HPS5: variants seen among roughly 807,000 people sequenced by gnomAD.
HPS5 encodes the protein HPS5 biogenesis of lysosomal organelles complex 2 subunit 2, also known as BLOC-2 complex member HPS5.
Under a neutral mutation model 128.0 loss-of-function variants are expected in HPS5, and 83 were observed. The observed-to-expected ratio is 0.65, with a 90% CI of 0.54 to 0.78. The LOEUF is 0.78. Among genes scored for constraint, HPS5 ranks in the 30% least tolerant of loss-of-function variants. The probability of loss-of-function intolerance (pLI) is 0.00; values close to 1 mark genes in which losing one functional copy is unlikely to be tolerated. For missense variants in HPS5, 1,281 were observed against 1,326.2 expected (o/e 0.97, Z 0.53); for synonymous variants, 475 against 470.2 (o/e 1.01, Z -0.13).
chr11:18,316,285 C>T (rs1206708585), intron 2 of HPS5, among the ~76,000 whole-genome samples: 1 of 151,378 alleles, frequency 6.6e-6, no homozygotes, highest in Non-Finnish European at 1.5e-5. Flanking sequence ...ACAGAGACAA[C>T]CTGTTTCAAA....
At chr11:18,282,455 G>A (rs1371977229) in intron 21 of HPS5, among the ~76,000 whole-genome samples, 1 of 151,060 alleles carries the variant, frequency 6.6e-6, no homozygotes, top group African/African-American at 2.4e-5. Flanking sequence ...AAGAGAGACA[G>A]GGTCTCACTA....
At chr11:18,295,947 G>A in intron 13 of HPS5, 52 bp downstream of exon 13, 1 of 1,560,468 alleles carries the variant, frequency 6.4e-7, no homozygotes, top group Non-Finnish European at 8.8e-7. Flanking sequence ...CCTAATGTGA[G>A]AACTGAAATA....
At chr11:18,293,589 A>G (rs1158995550) in intron 14 of HPS5, among the ~76,000 whole-genome samples, 1 of 152,210 alleles carries the variant, frequency 6.6e-6, no homozygotes, top group Non-Finnish European at 1.5e-5. Context: ...ATTAGAAAGA[A>G]AGGCATGCAA....
intron 6 of HPS5, among the ~76,000 whole-genome samples, chr11:18,307,981 T>C (rs1564970555): frequency 6.6e-6 from 1 of 152,180 alleles, no homozygotes; most frequent in Admixed American, 6.5e-5. Flanking sequence ...CCTTCTTTTG[T>C]GTAGGCTCAA....
chr11:18,279,284 C>CT lies in HPS5; in HGVS notation c.*597dup, dbSNP rs1339349818. 1 of 153,794 alleles carries CT rather than the reference C, an allele frequency of 6.5e-6. No homozygotes were observed. The highest frequency in any genetic ancestry group is 2.4e-5 in the African/African-American group (1 of 41,458). The allele number at this position is 153,794 out of a possible 1,614,324, so 9.5% of individuals were successfully genotyped here. ...TCCTGGCCTCAAGTGATCCTCCCGT[C>CT]TTTACCTTCCAAAGGGTTGGGATTA... On this transcript the variant is annotated 3_prime_UTR_variant, in exon 23 of 23. Coordinates refer to ENST00000349215, the MANE Select transcript of HPS5 (RefSeq NM_181507.2).
In HPS5 at chr11:18,307,779, G is replaced by A. The variant is rs1353218617; in HGVS notation, c.611+1167C>T. ...AAAACCAAAAAACTGTTTGTTGGGA[G>A]GGAAAACAGGTTGAAACAAAAAGAT... On this transcript the variant is annotated intron_variant, in intron 6 of 22. Transcript: ENST00000349215. 4.0e-5 allele frequency among the ~76,000 whole-genome samples: 6 copies of A among 151,212 alleles called. No individual in the cohort carries two copies. In the South Asian group the frequency reaches 1.0e-3, roughly 26 times the overall value.
At chr11:18,281,145 T>C (rs543187383) in intron 22 of HPS5, among the ~76,000 whole-genome samples, 2 of 151,878 alleles carry the variant, frequency 1.3e-5, no homozygotes, top group South Asian at 4.2e-4. Flanking sequence ...TGGCGTGATC[T>C]TGGCTCACTG....
At position 18,295,896 on chromosome 11, in the gene HPS5, G is replaced by A. The variant is rs1010083601; in HGVS notation, c.1634+103C>T. On this transcript the variant is annotated intron_variant, in intron 13 of 22. Coordinates refer to ENST00000349215, the MANE Select transcript of HPS5 (RefSeq NM_181507.2). ...ATATGACAAGTTATATGGAAAACAA[G>A]AGACTTCCTTTTTCTCATTTTCCAT... The A allele has an allele frequency of 2.4e-6, 3 of 1,258,620 alleles. No individual in the cohort carries two copies. The African/African-American group carries it at 4.5e-5, about 19-fold the overall frequency. The allele number at this position is 1,258,620 out of a possible 1,614,324, so 78.0% of individuals were successfully genotyped here. A position where few individuals can be genotyped will look rare whatever the true frequency, so the allele number is the denominator to read the frequency against.
At chr11:18,283,938 G>C (rs1416745857) in intron 20 of HPS5, 37 bp from the exon 21 acceptor site, 3 of 1,438,764 alleles carry the variant, frequency 2.1e-6, no homozygotes, top group Non-Finnish European at 2.9e-6. Flanking sequence ...GGAATAAAAG[G>C]CCATGAATTT....
chr11:18,303,847 C>T (rs1406734340), intron 8 of HPS5, among the ~76,000 whole-genome samples: 1 of 148,016 alleles, frequency 6.8e-6, no homozygotes, highest in Non-Finnish European at 1.5e-5. Context: ...GAGCAAGACT[C>T]CGTCTCTAAA....
intron 2 of HPS5, among the ~76,000 whole-genome samples, chr11:18,313,515 G>A (rs1258933127): frequency 6.6e-6 from 1 of 152,186 alleles, no homozygotes; most frequent in Non-Finnish European, 1.5e-5. Flanking sequence ...ACTTGGGCTG[G>A]ACAAGGTGGC....
At chr11:18,320,889 A>T (rs1864236381) in intron 1 of HPS5, among the ~76,000 whole-genome samples, 3 of 152,268 alleles carry the variant, frequency 2.0e-5, no homozygotes, top group Admixed American at 2.0e-4. Flanking sequence ...CAACAGAGCA[A>T]GTGGTCAACT....
intron 22 of HPS5, 26 bp from the exon 23 acceptor site, chr11:18,279,968 G>C (rs1858652092): frequency 6.2e-7 from 1 of 1,609,696 alleles, no homozygotes; most frequent in Admixed American, 1.7e-5. Flanking sequence ...AAAGAAACAA[G>C]CAAATTTAGT....
rs1862362145 is a variant in HPS5, at chr11:18,306,298, C to G, written c.661G>C (p.Ala221Pro). 1 of 1,614,132 alleles carries G rather than the reference C, an allele frequency of 6.2e-7. No homozygotes were observed. Reference sequence around the variant, plus strand: ...GAACATCTTCCAGGAAAGAAACAAGCTCCATATTCTCCATCTCTTTCCTTG... The same window carrying G: ...GAACATCTTCCAGGAAAGAAACAAGGTCCATATTCTCCATCTCTTTCCTTG... ...GNKERDGEYG[A>P]CFFPGRCSGG... The change falls in exon 7 of 23, where the codon GCT (alanine) becomes CCT (proline). Residue 221 changes from alanine (A) to proline (P), a missense_variant. By Grantham distance (27) the Ala-to-Pro change is conservative. Coordinates refer to ENST00000349215, the MANE Select transcript of HPS5 (RefSeq NM_181507.2).
intron 16 of HPS5, among the ~76,000 whole-genome samples, chr11:18,289,757 G>T (rs1184012925): frequency 6.6e-6 from 1 of 152,110 alleles, no homozygotes; most frequent in Non-Finnish European, 1.5e-5. Context: ...TTAGAAATAT[G>T]GCATCTGTTA....
chr11:18,282,223 A>C lies in HPS5; in HGVS notation c.3059-3T>G, dbSNP rs1343242203. On this transcript the variant is annotated splice_region_variant and splice_polypyrimidine_tract_variant and intron_variant, in intron 21 of 22. Coordinates refer to ENST00000349215, the MANE Select transcript of HPS5 (RefSeq NM_181507.2). Reference sequence around the variant, plus strand: ...CTCCACGGTCTCTGGGATCCAACCTAAACACACACAGGGAAGTGTCAGTTT... The same window carrying C: ...CTCCACGGTCTCTGGGATCCAACCTCAACACACACAGGGAAGTGTCAGTTT... The C allele has an allele frequency of 1.2e-6, 2 of 1,613,870 alleles. No homozygotes were observed. The highest frequency in any genetic ancestry group is 1.3e-5 in the African/African-American group (1 of 74,888).
Position 18,291,745 on chromosome 11 carries a change from G to A in HPS5, c.2137C>T (p.Pro713Ser). The A allele has an allele frequency of 6.2e-7, 1 of 1,614,160 alleles. No homozygotes were observed. Among genetic ancestry groups the A allele is most frequent in the Non-Finnish European group, 8.5e-7 (1 of 1,180,014 alleles). Reference sequence around the variant, plus strand: ...AACAGGTCATCCAAAGACTCCCTTGGACTCCTTACACATTCACATGCTGTT... The same window carrying A: ...AACAGGTCATCCAAAGACTCCCTTGAACTCCTTACACATTCACATGCTGTT... ...DKTACECVRS[P>S]RESLDDLFQI... The change falls in exon 16 of 23, where the codon CCA becomes TCA. Residue 713 changes from proline to serine, a missense_variant. Pro to Ser is a moderately conservative substitution (Grantham distance 74). Coordinates refer to ENST00000349215, the MANE Select transcript of HPS5 (RefSeq NM_181507.2).
Position 18,296,806 on chromosome 11 carries a change from C to T in HPS5, c.1502G>A (p.Gly501Glu). The T allele has an allele frequency of 6.2e-7, 1 of 1,614,092 alleles. No individual in the cohort carries two copies. ...ACAGACACATTCATCACCTTCATTT[C>T]CGTGTGAGCCACAACACTGATCTGG... ...DLPDQCCGSHGNEDNVSHAPV... is the reference protein window; with the variant it reads ...DLPDQCCGSHENEDNVSHAPV... Residue 501 changes from glycine (G) to glutamate (E), a missense_variant, in exon 12 of 23, where the codon GGA becomes GAA. Transcript: ENST00000349215.
Position 18,312,023 on chromosome 11 carries a change from C to A in HPS5, c.110G>T (p.Cys37Phe). 1 of 1,610,204 alleles carries A rather than the reference C, an allele frequency of 6.2e-7. No individual in the cohort carries two copies. The highest frequency in any genetic ancestry group is 8.5e-7 in the Non-Finnish European group (1 of 1,176,576). Reference protein sequence around the residue: ...ALRLDSSRLKCTSIAVSRKWL... With the variant: ...ALRLDSSRLKFTSIAVSRKWL... ...TTTCCGAGACACAGCTATGCTCGTGCACTAAAAACATGTGAAGAGAAGTGT... is the reference window on the plus strand; with the variant it reads ...TTTCCGAGACACAGCTATGCTCGTGAACTAAAAACATGTGAAGAGAAGTGT... The change falls in exon 3 of 23, where the codon TGC becomes TTC. Residue 37 changes from cysteine (C) to phenylalanine (F), a missense_variant and splice_region_variant. By Grantham distance (205) the Cys-to-Phe change is radical. Transcript: ENST00000349215.
Sources: gnomAD v4.1 joint callset for allele counts (sites outside exome capture counted in the v4.1 genomes callset) on GRCh38, gnomAD v4.1.1 for gene constraint, MANE v1.5 for transcripts, NCBI Gene and HGNC (gene_info 2026-07-23, HGNC 2026-07-21) for gene names.